The following EPHA7 variants were observed in gnomAD, a reference collection of about 807,000 sequenced individuals.
The protein encoded by EPHA7 is ephrin type-A receptor 7.
A neutral mutation model predicts 112.6 loss-of-function variants in EPHA7; 25 were observed. That is an observed-to-expected ratio of 0.22 (90% CI 0.16 to 0.31). EPHA7 has a LOEUF of 0.31. Ranked by LOEUF, EPHA7 falls within the 10% of genes least tolerant of loss-of-function variation. The pLI is 1.00. For synonymous variants in EPHA7, 437 were observed against 406.5 expected (o/e 1.07, Z -0.90); for missense variants, 962 against 1,212.6 (o/e 0.79, Z 3.07).
chr6:93,405,168 T>C lies in EPHA7; in HGVS notation c.832+5333A>G, dbSNP rs377320541. ...ACTACCATCTACTCTTTTTCCTATGTATATTTTGCATAATTCTAAATGTCA... is the reference window on the plus strand; with the variant it reads ...ACTACCATCTACTCTTTTTCCTATGCATATTTTGCATAATTCTAAATGTCA... On this transcript the variant is annotated intron_variant, in intron 3 of 16. Coordinates refer to ENST00000369303, the MANE Select transcript of EPHA7 (RefSeq NM_004440.4). Among the ~76,000 whole-genome samples, 23 of 152,050 alleles carry C rather than the reference T, an allele frequency of 1.5e-4. No homozygotes were observed. In the East Asian group the frequency reaches 2.7e-3, roughly 18 times the overall value.
At chr6:93,243,638 C>A in intron 16 of EPHA7, 98 bp from the exon 17 acceptor site, 1 of 787,790 alleles carries the variant, frequency 1.3e-6, no homozygotes, top group South Asian at 1.5e-5. Flanking sequence ...TTATCTTAGC[C>A]AAATAGATCT....
chr6:93,340,068 A>C (rs1369537857), intron 5 of EPHA7, among the ~76,000 whole-genome samples: 3 of 151,580 alleles, frequency 2.0e-5, no homozygotes, highest in African/African-American at 7.3e-5. Flanking sequence ...TAAGCCACAA[A>C]CTCTTTGTTT....
intron 5 of EPHA7, among the ~76,000 whole-genome samples, chr6:93,288,357 C>A (rs1772180238): frequency 6.6e-6 from 1 of 152,060 alleles, no homozygotes; most frequent in Non-Finnish European, 1.5e-5. Context: ...CTAGAACAGA[C>A]AATTTTAGAC....
At chr6:93,264,311 C>G (rs1213787819) in intron 8 of EPHA7, among the ~76,000 whole-genome samples, 1 of 151,294 alleles carries the variant, frequency 6.6e-6, no homozygotes, top group African/African-American at 2.4e-5. Flanking sequence ...AACATTTCCC[C>G]AGGTATATTC....
In EPHA7 at chr6:93,260,767, T is replaced by C. The variant is rs571503085; in HGVS notation, c.1799-1288A>G. On this transcript the variant is annotated intron_variant, in intron 9 of 16. Transcript: ENST00000369303. ...AGTTTATAAAACTGACAGATGCTCA[T>C]TTGTTACTAAAGCTGAAGATGAAAA... 1.7e-4 allele frequency: 171 copies of C among 981,490 alleles called. 1 individual carries two copies. The highest frequency in any genetic ancestry group is 4.1e-5 in the Non-Finnish European group (34 of 827,120). The allele number at this position is 981,490 out of a possible 1,614,324, so 60.8% of individuals were successfully genotyped here. A position where few individuals can be genotyped will look rare whatever the true frequency, so the allele number is the denominator to read the frequency against.
At chr6:93,412,996 A>G (rs1239010816) in intron 2 of EPHA7, among the ~76,000 whole-genome samples, 2 of 151,992 alleles carry the variant, frequency 1.3e-5, no homozygotes, top group Non-Finnish European at 2.9e-5. Flanking sequence ...GATGTAGACT[A>G]CAAACATTGA....
Position 93,242,551 on chromosome 6 carries a change from G to A in EPHA7, c.*875C>T. On this transcript the variant is annotated 3_prime_UTR_variant, in exon 17 of 17. Transcript: ENST00000369303. ...GACTTGCCTTCACCAACATTCTTCAGATGAAGTGCCTCATTTGTTTATATA... is the reference window on the plus strand; with the variant it reads ...GACTTGCCTTCACCAACATTCTTCAAATGAAGTGCCTCATTTGTTTATATA... 1 of 203,546 alleles carries A rather than the reference G, an allele frequency of 4.9e-6. No individual in the cohort carries two copies. 12.6% of individuals were successfully genotyped at this position (203,546 alleles called of 1,614,324 possible).
intron 3 of EPHA7, among the ~76,000 whole-genome samples, chr6:93,379,334 T>C (rs1777221138): frequency 6.6e-6 from 1 of 152,090 alleles, no homozygotes; most frequent in African/African-American, 2.4e-5. Context: ...TAAAATGCTT[T>C]ACATTTTCAG....
At chr6:93,301,411 A>G (rs9345345) in intron 5 of EPHA7, among the ~76,000 whole-genome samples, 17,849 of 152,194 alleles carry the variant, frequency 0.12, 1,284 homozygotes, top group South Asian at 0.2. Flanking sequence ...GAAATTTAAA[A>G]TATATTTTCT....
intron 5 of EPHA7, among the ~76,000 whole-genome samples, chr6:93,275,093 T>A (rs933352139): frequency 6.6e-6 from 1 of 152,012 alleles, no homozygotes; most frequent in African/African-American, 2.4e-5. Flanking sequence ...TAAAGTTCAT[T>A]TCTGAAAAGA....
chr6:93,255,384 C>G (rs1183808736), intron 13 of EPHA7, among the ~76,000 whole-genome samples: 1 of 151,886 alleles, frequency 6.6e-6, no homozygotes, highest in Non-Finnish European at 1.5e-5. Context: ...ACAACAAAGA[C>G]AAACTAGGCA....
chr6:93,245,005 A>G (rs547649372), intron 16 of EPHA7, among the ~76,000 whole-genome samples: 88 of 152,332 alleles, frequency 5.8e-4, no homozygotes, highest in African/African-American at 2.0e-3. Flanking sequence ...CTTACTAGTT[A>G]ACTTGGCTTA....
chr6:93,376,083 G>A (rs1374868402), intron 3 of EPHA7, among the ~76,000 whole-genome samples: 1 of 152,050 alleles, frequency 6.6e-6, no homozygotes, highest in South Asian at 2.1e-4. Context: ...AAGAGAGAGG[G>A]CACACTGCTA....
rs1162947364 is a variant in EPHA7 at position 93,289,284 on chromosome 6, G to GTATA, written c.1325-16866_1325-16863dup. Among the ~76,000 whole-genome samples the GTATA allele has an allele frequency of 9.9e-5, 15 of 152,062 alleles. No individual in the cohort carries two copies. The East Asian group carries it at 2.9e-3, about 29-fold the overall frequency. Reference sequence around the variant, plus strand: ...CAGAGAAGCAAATTAGTGATACCATGTATAGTTAGAATAACAACTTGAAAG... The same window carrying GTATA: ...CAGAGAAGCAAATTAGTGATACCATGTATATATAGTTAGAATAACAACTTGAAAG... On this transcript the variant is annotated intron_variant, in intron 5 of 16. Transcript: ENST00000369303.
intron 5 of EPHA7, among the ~76,000 whole-genome samples, chr6:93,311,327 T>C (rs1773531465): frequency 1.3e-5 from 2 of 151,958 alleles, no homozygotes. Context: ...TCTCAAACCT[T>C]GCCACTGCTT....
At chr6:93,389,963 C>T (rs117075973) in intron 3 of EPHA7, among the ~76,000 whole-genome samples, 1 of 151,856 alleles carries the variant, frequency 6.6e-6, no homozygotes, top group African/African-American at 2.4e-5. Context: ...AAAAGATTGT[C>T]AGTGAATTGG....
intron 10 of EPHA7, among the ~76,000 whole-genome samples, chr6:93,258,838 G>T (rs998926287): frequency 9.9e-5 from 15 of 151,014 alleles, no homozygotes; most frequent in Admixed American, 9.3e-4. Flanking sequence ...TGGATTTAAA[G>T]GAATTAGAAT....
intron 5 of EPHA7, among the ~76,000 whole-genome samples, chr6:93,273,782 A>G (rs563580897): frequency 9.5e-4 from 144 of 152,102 alleles, no homozygotes; most frequent in African/African-American, 3.4e-3. Context: ...AAACCTGAAC[A>G]TATACAGTAA....
intron 1 of EPHA7, 134 bp from the exon 2 acceptor site, chr6:93,414,901 G>A (rs979262283): frequency 4.9e-5 from 33 of 674,390 alleles, no homozygotes; most frequent in Non-Finnish European, 4.9e-6. Context: ...TAAATCAATG[G>A]TGAAATGAAC....
Sources: allele counts gnomAD v4.1 joint callset (sites outside exome capture counted in the v4.1 genomes callset), GRCh38; gene constraint gnomAD v4.1.1; transcripts MANE v1.5; gene names NCBI Gene and HGNC (gene_info 2026-07-23, HGNC 2026-07-21).